The following MYO1D variants were observed in gnomAD, a reference collection of about 807,000 sequenced individuals.
MYO1D encodes myosin ID.
Under a neutral mutation model 122.0 loss-of-function variants are expected in MYO1D, and 83 were observed. The ratio of observed to expected loss-of-function variants is 0.68; its 90% confidence interval spans 0.57 to 0.82. The LOEUF (loss-of-function observed/expected upper bound fraction) is 0.82, where lower values mean the gene tolerates loss of function less well. Among genes scored for constraint, MYO1D ranks in the 40% least tolerant of loss-of-function variants. The pLI is 0.00. For missense variants in MYO1D, 1,157 were observed against 1,269.5 expected, an observed-to-expected ratio of 0.91 and a Z score of 1.35; for synonymous variants, 464 against 446.9, an observed-to-expected ratio of 1.04 and a Z score of -0.48.
intron 1 of MYO1D, among the ~76,000 whole-genome samples, chr17:32,805,346 T>A (rs945400171): frequency 6.6e-6 from 1 of 152,206 alleles, no homozygotes; most frequent in East Asian, 1.9e-4. Flanking sequence ...TTATTTTTAA[T>A]CCTAATTTGG....
chr17:32,532,506 T>C (rs1168813766), intron 21 of MYO1D, among the ~76,000 whole-genome samples: 1 of 152,066 alleles, frequency 6.6e-6, no homozygotes, highest in Non-Finnish European at 1.5e-5. Flanking sequence ...GGTGGGTGGA[T>C]CATGAGGTCA....
At chr17:32,822,868 G>A (rs1456592883) in intron 1 of MYO1D, among the ~76,000 whole-genome samples, 1 of 151,760 alleles carries the variant, frequency 6.6e-6, no homozygotes, top group Non-Finnish European at 1.5e-5. Context: ...CCGGCGTCTC[G>A]CATACCTAAT....
At chr17:32,707,085 C>T (rs1052634791) in intron 16 of MYO1D, among the ~76,000 whole-genome samples, 23 of 151,972 alleles carry the variant, frequency 1.5e-4, no homozygotes, top group Non-Finnish European at 3.4e-4. Flanking sequence ...ATTTTCACAT[C>T]GAAGAGTTTA....
At chr17:32,575,574 T>C (rs2087271089) in intron 21 of MYO1D, among the ~76,000 whole-genome samples, 1 of 152,238 alleles carries the variant, frequency 6.6e-6, no homozygotes, top group Admixed American at 6.5e-5. Context: ...ATCAGATGCA[T>C]AGTGAGTTCT....
At chr17:32,632,535 T>C (rs2088023037) in intron 20 of MYO1D, 1 of 143,134 alleles carries the variant, frequency 7.0e-6, no homozygotes, top group Non-Finnish European at 1.5e-5. Flanking sequence ...TTTGACTTCA[T>C]GAGAAAGAAA....
At chr17:32,740,783 A>G (rs1010051687) in intron 13 of MYO1D, among the ~76,000 whole-genome samples, 8 of 152,136 alleles carry the variant, frequency 5.3e-5, no homozygotes, top group Non-Finnish European at 1.2e-4. Context: ...CCTGAATGTA[A>G]TATTAACAAA....
intron 1 of MYO1D, among the ~76,000 whole-genome samples, chr17:32,832,726 C>T (rs1249910672): frequency 6.6e-6 from 1 of 152,070 alleles, no homozygotes; most frequent in Non-Finnish European, 1.5e-5. Context: ...GCGAATTTCA[C>T]CAATTTTATT....
intron 13 of MYO1D, among the ~76,000 whole-genome samples, chr17:32,739,115 T>C (rs1335004614): frequency 6.6e-6 from 1 of 152,188 alleles, no homozygotes; most frequent in East Asian, 1.9e-4. Context: ...ATCTCAACTG[T>C]CATTTTTTTT....
chr17:32,822,957 T>C (rs1380691729), intron 1 of MYO1D, among the ~76,000 whole-genome samples: 3 of 152,190 alleles, frequency 2.0e-5, no homozygotes, highest in Non-Finnish European at 4.4e-5. Flanking sequence ...GTTGTGCACA[T>C]GTACCCTAAA....
In MYO1D at chr17:32,705,134, C is replaced by A. The variant is rs576313162; in HGVS notation, c.2121+6854G>T. Among the ~76,000 whole-genome samples, 11 of 127,512 alleles carry A rather than the reference C, an allele frequency of 8.6e-5. No homozygotes were observed. In the South Asian group the frequency reaches 2.9e-3, roughly 34 times the overall value. The allele number at this position is 127,512 out of a possible 152,430, so 83.7% of individuals were successfully genotyped here. ...CACAGATTTGAACTACGTGGGTCCA[C>A]TCATACAGATTTTTTTTTTTCACCC... On this transcript the variant is annotated intron_variant, in intron 16 of 21. Coordinates refer to ENST00000318217, the MANE Select transcript of MYO1D (RefSeq NM_015194.3).
intron 16 of MYO1D, among the ~76,000 whole-genome samples, chr17:32,680,586 C>A (rs1436482220): frequency 7.6e-6 from 1 of 131,566 alleles, no homozygotes; most frequent in Non-Finnish European, 1.6e-5. Context: ...TATATTGAAC[C>A]AGCCTTGCAT....
intron 13 of MYO1D, 97 bp from the exon 14 acceptor site, chr17:32,738,482 A>C: frequency 1.6e-6 from 2 of 1,255,352 alleles, no homozygotes; most frequent in South Asian, 4.5e-5. Flanking sequence ...GAGAATCATA[A>C]TTGGACTACA....
chr17:32,691,695 C>T (rs990660092), intron 16 of MYO1D, among the ~76,000 whole-genome samples: 2 of 152,100 alleles, frequency 1.3e-5, no homozygotes, highest in Non-Finnish European at 2.9e-5. Flanking sequence ...TGTGAGCCAC[C>T]ATGCCTGGCC....
intron 14 of MYO1D, among the ~76,000 whole-genome samples, chr17:32,724,248 T>G (rs747914553): frequency 1.8e-4 from 28 of 152,350 alleles, no homozygotes; most frequent in South Asian, 6.2e-4. Context: ...CAGATTTATC[T>G]GCATGTTTGG....
chr17:32,644,853 T>A (rs148681938), intron 19 of MYO1D, among the ~76,000 whole-genome samples: 2,368 of 152,312 alleles, frequency 0.016, 57 homozygotes, highest in African/African-American at 0.047. Context: ...TGATGGGTCT[T>A]GACTCTTTAT....
At chr17:32,768,993 T>C (rs1163084878) in intron 6 of MYO1D, among the ~76,000 whole-genome samples, 2 of 152,316 alleles carry the variant, frequency 1.3e-5, no homozygotes, top group Non-Finnish European at 2.9e-5. Flanking sequence ...TACTCCTCTC[T>C]AAGTGTGCAT....
chr17:32,769,658 T>C (rs1388371043), intron 6 of MYO1D, among the ~76,000 whole-genome samples: 1 of 152,100 alleles, frequency 6.6e-6, no homozygotes, highest in Non-Finnish European at 1.5e-5. Context: ...TATGATTCCA[T>C]TTATAAATAT....
At chr17:32,770,767 C>T (rs1446930618) in intron 6 of MYO1D, among the ~76,000 whole-genome samples, 1 of 152,110 alleles carries the variant, frequency 6.6e-6, no homozygotes, top group African/African-American at 2.4e-5. Context: ...TACTAACTTG[C>T]CTTTGGCCAA....
At chr17:32,829,074 A>G (rs1459494932) in intron 1 of MYO1D, among the ~76,000 whole-genome samples, 1 of 152,252 alleles carries the variant, frequency 6.6e-6, no homozygotes, top group African/African-American at 2.4e-5. Context: ...GCTAGAAAGA[A>G]AATATGCTAT....
Sources: allele counts gnomAD v4.1 joint callset (sites outside exome capture counted in the v4.1 genomes callset), GRCh38; gene constraint gnomAD v4.1.1; transcripts MANE v1.5; gene names NCBI Gene and HGNC (gene_info 2026-07-23, HGNC 2026-07-21).